PANK4: variants seen among roughly 807,000 people sequenced by gnomAD.
PANK4 encodes pantothenate kinase 4 (inactive).
A neutral mutation model predicts 87.9 loss-of-function variants in PANK4; 40 were observed. The ratio of observed to expected loss-of-function variants is 0.46; its 90% CI spans 0.35 to 0.59. The LOEUF is 0.59. PANK4 is among the 20% of genes least tolerant of loss of function. The pLI, the probability that PANK4 is intolerant of heterozygous loss-of-function variation, is 0.00. For synonymous variants in PANK4, 524 were observed against 467.4 expected (o/e 1.12, Z -1.56); for missense variants, 926 against 1,072.3 (o/e 0.86, Z 1.90).
At chr1:2,514,228 C>T (rs1643716701) in intron 11 of PANK4, 126 bp downstream of exon 11, 6 of 1,097,060 alleles carry the variant, frequency 5.5e-6, no homozygotes, top group South Asian at 1.3e-5. Flanking sequence ...GGGGGCTGTG[C>T]CGCCAGGGCC....
Position 2,509,754 on chromosome 1 carries a change from G to A in PANK4, c.2108+108C>T, listed in dbSNP as rs985033187. 8 of 944,940 alleles carry A rather than the reference G, an allele frequency of 8.5e-6. No individual in the cohort carries two copies. Among genetic ancestry groups the A allele is most frequent in the East Asian group, 2.5e-5 (1 of 40,300 alleles). The allele number at this position is 944,940 out of a possible 1,614,324, so 58.5% of individuals were successfully genotyped here. On this transcript the variant is annotated intron_variant, in intron 18 of 18. Coordinates refer to ENST00000378466, the MANE Select transcript of PANK4 (RefSeq NM_018216.4). The surrounding 1 kb of genome is among the most constrained non-coding windows in gnomAD (Gnocchi z 4.9). ...TCCGGGCCTGGGGTCAGGAGAGGCC[G>A]CAGGGGCAGTCCTGAGGTCGGTGTC...
At position 2,526,571 on chromosome 1, in the gene PANK4, G is replaced by A. The variant is rs143275045; in HGVS notation, c.17C>T (p.Ala6Val). 5.6e-6 allele frequency: 9 copies of A among 1,600,634 alleles called. No individual in the cohort carries two copies. The South Asian group carries it at 8.9e-5, about 16-fold the overall frequency. ...GTCCCCGCTGCTCCCGCTGCCGCTCGCTCCACACTCCGCCATTTTGAAAGT... is the reference window on the plus strand; with the variant it reads ...GTCCCCGCTGCTCCCGCTGCCGCTCACTCCACACTCCGCCATTTTGAAAGT... MAECG[A>V]SGSGSSGDSL... Residue 6 changes from alanine to valine, a missense_variant, in exon 1 of 19, where the codon GCG becomes GTG. Ala to Val is a moderately conservative substitution (Grantham distance 64, BLOSUM62 0). Transcript: ENST00000378466.
chr1:2,523,779 G>A (rs1643897730), intron 1 of PANK4, among the ~76,000 whole-genome samples: 1 of 152,248 alleles, frequency 6.6e-6, no homozygotes, highest in Admixed American at 6.5e-5. Flanking sequence ...TGCGGGCGGG[G>A]ACCCTTCCGG....
At position 2,515,182 on chromosome 1, in the gene PANK4, G is replaced by A. The variant is rs1005638097; in HGVS notation, c.1374+380C>T. ...GCAGGAGTCCCAAGGTGGCCTCGCCGGGAGCTTGCTGGGGCTGAGTCTCAC... is the reference window on the plus strand; with the variant it reads ...GCAGGAGTCCCAAGGTGGCCTCGCCAGGAGCTTGCTGGGGCTGAGTCTCAC... On this transcript the variant is annotated intron_variant, in intron 10 of 18. Transcript: ENST00000378466. The surrounding 1 kb of genome is among the most constrained non-coding windows in gnomAD (Gnocchi z 5.0). The A allele has an allele frequency of 1.2e-5, 5 of 407,970 alleles. No homozygotes were observed. Among genetic ancestry groups the A allele is most frequent in the Non-Finnish European group, 2.4e-5 (5 of 205,554 alleles). 25.3% of individuals were successfully genotyped at this position (407,970 alleles called of 1,614,324 possible). A position where few individuals can be genotyped will look rare whatever the true frequency, so the allele number is the denominator to read the frequency against.
intron 10 of PANK4, among the ~76,000 whole-genome samples, chr1:2,514,825 C>G (rs941996047): frequency 6.6e-6 from 1 of 152,036 alleles, no homozygotes; most frequent in Non-Finnish European, 1.5e-5. Flanking sequence ...TTCGCCCCTC[C>G]CAGTTGCCCT....
At position 2,519,185 on chromosome 1, in the gene PANK4, C is replaced by A. The variant is rs1217536814; in HGVS notation, c.993G>T (p.Val331=). The A allele has an allele frequency of 6.2e-7, 1 of 1,612,748 alleles. No homozygotes were observed. Among genetic ancestry groups the A allele is most frequent in the Non-Finnish European group, 8.5e-7 (1 of 1,179,930 alleles). ...FGGFFIRGHP[V]TMRTITYSIN... is the part of the protein sequence containing the mutation. The stretch of plus-strand genomic sequence containing the variant: ...TGCTATAGGTGATGGTGCGCATGGT[C>A]ACGGGGTGGCCCCGGATAAAGAAGC... Residue 331 remains valine, a synonymous_variant, in exon 7 of 19, where the codon GTG becomes GTT. Transcript: ENST00000378466. This position sits in a 1 kb window ranked among gnomAD's most constrained non-coding sequence, Gnocchi z 8.3.
intron 1 of PANK4, among the ~76,000 whole-genome samples, chr1:2,524,531 A>C (rs1438111115): frequency 6.6e-6 from 1 of 152,132 alleles, no homozygotes; most frequent in African/African-American, 2.4e-5. Flanking sequence ...ACCAGCACTA[A>C]ACAGACCTCT....
At chr1:2,512,464 C>T (rs142945886) in intron 13 of PANK4, 121 of 166,756 alleles carry the variant, frequency 7.3e-4, no homozygotes, top group African/African-American at 2.5e-3. Flanking sequence ...CCCCAGGAGA[C>T]GGCGCCAGGT....
intron 1 of PANK4, 112 bp from the exon 2 acceptor site, chr1:2,521,912 G>A (rs763399022): frequency 3.7e-6 from 3 of 804,038 alleles, no homozygotes; most frequent in Admixed American, 3.9e-5. Context: ...CTGTAGATGA[G>A]GGGTTTGGGG....
Position 2,510,841 on chromosome 1 carries a change from G to A in PANK4, c.1834-59C>T. 2.0e-6 allele frequency: 2 copies of A among 989,354 alleles called. No individual in the cohort carries two copies. The highest frequency in any genetic ancestry group is 1.3e-5 in the South Asian group (1 of 78,218). The allele number at this position is 989,354 out of a possible 1,614,324, so 61.3% of individuals were successfully genotyped here. A position where few individuals can be genotyped will look rare whatever the true frequency, so the allele number is the denominator to read the frequency against. ...CAGGCGCATCCAAGCGAGTCAGTCC[G>A]CACCCCTGCTGCCCGTCACGCTGCC... On this transcript the variant is annotated intron_variant, in intron 15 of 18. Coordinates refer to ENST00000378466, the MANE Select transcript of PANK4 (RefSeq NM_018216.4). The surrounding 1 kb of genome is among the most constrained non-coding windows in gnomAD (Gnocchi z 4.9).
At position 2,520,556 on chromosome 1, in the gene PANK4, G is replaced by A; in HGVS notation, c.607-142C>T. 2.0e-6 allele frequency: 2 copies of A among 1,016,158 alleles called. No homozygotes were observed. Among genetic ancestry groups the A allele is most frequent in the Non-Finnish European group, 2.9e-6 (2 of 681,508 alleles). The allele number at this position is 1,016,158 out of a possible 1,614,324, so 62.9% of individuals were successfully genotyped here. ...GGGAGGACTCTCATGGCCAAGCCTGGGGGCGCTGATGCCCCTCCCACAGAG... is the reference window on the plus strand; with the variant it reads ...GGGAGGACTCTCATGGCCAAGCCTGAGGGCGCTGATGCCCCTCCCACAGAG... On this transcript the variant is annotated intron_variant, in intron 4 of 18. Transcript: ENST00000378466. The surrounding 1 kb of genome is among the most constrained non-coding windows in gnomAD (Gnocchi z 6.2).
In PANK4 at chr1:2,510,042, C is replaced by T; in HGVS notation, c.2039+15G>A. On this transcript the variant is annotated intron_variant, in intron 17 of 18. Transcript: ENST00000378466. The surrounding 1 kb of genome is among the most constrained non-coding windows in gnomAD (Gnocchi z 4.9). ...CCCCATCAAGGCCCCCCCAGCACTG[C>T]CCGCCAACACTCACTGCACGACAGG... The T allele has an allele frequency of 6.3e-7, 1 of 1,596,270 alleles. No homozygotes were observed. Among genetic ancestry groups the T allele is most frequent in the Non-Finnish European group, 8.6e-7 (1 of 1,168,432 alleles).
chr1:2,515,734 G>C lies in PANK4; in HGVS notation c.1219-17C>G. ...CAAGTCAAACTGGAAGACAGGCAGTGGCAGGGTGGAAACGTCACCATGGTT... is the reference window on the plus strand; with the variant it reads ...CAAGTCAAACTGGAAGACAGGCAGTCGCAGGGTGGAAACGTCACCATGGTT... On this transcript the variant is annotated splice_polypyrimidine_tract_variant and intron_variant, in intron 9 of 18. Transcript: ENST00000378466. The surrounding 1 kb of genome is among the most constrained non-coding windows in gnomAD (Gnocchi z 5.0). The C allele has an allele frequency of 6.2e-7, 1 of 1,611,398 alleles. No homozygotes were observed. Among genetic ancestry groups the C allele is most frequent in the Non-Finnish European group, 8.5e-7 (1 of 1,179,048 alleles).
chr1:2,515,949 C>T lies in PANK4; in HGVS notation c.1219-232G>A, dbSNP rs1299417828. On this transcript the variant is annotated intron_variant, in intron 9 of 18. Coordinates refer to ENST00000378466, the MANE Select transcript of PANK4 (RefSeq NM_018216.4). The surrounding 1 kb of genome is among the most constrained non-coding windows in gnomAD (Gnocchi z 5.0). Reference sequence around the variant, plus strand: ...ACTGGGGTTGCGTCTGCTCCCACCACACGCCTCCTGCCCCCAGCACCTCCC... The same window carrying T: ...ACTGGGGTTGCGTCTGCTCCCACCATACGCCTCCTGCCCCCAGCACCTCCC... The T allele has an allele frequency of 3.4e-6, 2 of 582,206 alleles. No individual in the cohort carries two copies. The highest frequency in any genetic ancestry group is 3.7e-5 in the African/African-American group (2 of 53,412). The allele number at this position is 582,206 out of a possible 1,614,324, so 36.1% of individuals were successfully genotyped here. A position where few individuals can be genotyped will look rare whatever the true frequency, so the allele number is the denominator to read the frequency against.
Position 2,511,743 on chromosome 1 carries a change from G to C in PANK4, c.1728-60C>G, listed in dbSNP as rs1360472651. On this transcript the variant is annotated intron_variant, in intron 13 of 18. Coordinates refer to ENST00000378466, the MANE Select transcript of PANK4 (RefSeq NM_018216.4). ...CAGAACAAAAACCTTCAGCCACAGT[G>C]CTCAATGTGAAGACCCCAAATCCCT... The C allele has an allele frequency of 6.7e-6, 7 of 1,042,976 alleles. No individual in the cohort carries two copies. In the Admixed American group the frequency reaches 1.3e-4, roughly 19 times the overall value. The allele number at this position is 1,042,976 out of a possible 1,614,324, so 64.6% of individuals were successfully genotyped here. A position where few individuals can be genotyped will look rare whatever the true frequency, so the allele number is the denominator to read the frequency against.
At position 2,515,098 on chromosome 1, in the gene PANK4, G is replaced by A. The variant is rs1012332169; in HGVS notation, c.1374+464C>T. On this transcript the variant is annotated intron_variant, in intron 10 of 18. Transcript: ENST00000378466. The surrounding 1 kb of genome is among the most constrained non-coding windows in gnomAD (Gnocchi z 5.0). ...CCGAGCTGAGCTCCTGAGGGGCAGC[G>A]TGGCCCAGGGCCTGGCATTTGCTCC... is the stretch of plus-strand genomic sequence containing the variant. Among the ~76,000 whole-genome samples, 2 of 152,170 alleles carry A rather than the reference G, an allele frequency of 1.3e-5. No homozygotes were observed. The highest frequency in any genetic ancestry group is 1.5e-5 in the Non-Finnish European group (1 of 68,026).
chr1:2,522,037 G>A, intron 1 of PANK4: 1 of 559,004 alleles, frequency 1.8e-6, no homozygotes, highest in East Asian at 2.9e-5. Flanking sequence ...GCCAAACTGA[G>A]CTCAAGAGGT....
chr1:2,518,376 T>TA, intron 8 of PANK4, 112 bp from the exon 9 acceptor site: 1 of 957,966 alleles, frequency 1.0e-6, no homozygotes, highest in Non-Finnish European at 1.6e-6. Flanking sequence ...GTTAAAATGT[T>TA]AGACATGCCT....
In PANK4 at chr1:2,509,539, C is replaced by G. The variant is rs1351323904; in HGVS notation, c.2108+323G>C. Among the ~76,000 whole-genome samples the G allele has an allele frequency of 6.6e-6, 1 of 152,220 alleles. No individual in the cohort carries two copies. Among genetic ancestry groups the G allele is most frequent in the Non-Finnish European group, 1.5e-5 (1 of 68,034 alleles). On this transcript the variant is annotated intron_variant, in intron 18 of 18. Transcript: ENST00000378466. The surrounding 1 kb of genome is among the most constrained non-coding windows in gnomAD (Gnocchi z 4.9). ...AGCAGAGCCTGGCATCTATGTGGGA[C>G]ACGGAGGTGACAGACACCGGGCAGC...
Sources: allele counts gnomAD v4.1 joint callset (sites outside exome capture counted in the v4.1 genomes callset), GRCh38; gene constraint gnomAD v4.1.1; non-coding constraint Gnocchi (gnomAD v3.1); transcripts MANE v1.5; gene names NCBI Gene and HGNC (gene_info 2026-07-23, HGNC 2026-07-21).